Variants in ZFHX3 observed in about 807,000 individuals in gnomAD.
ZFHX3 encodes zinc finger homeobox protein 3.
ZFHX3 carries 42 observed loss-of-function variants against 279.1 expected under a neutral mutation model. That is an observed-to-expected ratio of 0.15 (90% CI 0.12 to 0.19). The LOEUF is 0.19. ZFHX3 is among the 10% of genes least tolerant of loss of function. The pLI is 1.00. For missense variants in ZFHX3, 4,981 were observed against 4,754.0 expected (o/e 1.05, Z -1.40); for synonymous variants, 2,293 against 1,957.8 (o/e 1.17, Z -4.52).
intron 2 of ZFHX3, among the ~76,000 whole-genome samples, chr16:73,637,106 G>T (rs1448251095): frequency 2.6e-5 from 4 of 151,610 alleles, no homozygotes; most frequent in African/African-American, 9.7e-5. Flanking sequence ...ATATATATAA[G>T]AATTTGTATA....
chr16:73,217,502 G>C (rs1161236620), intron 5 of ZFHX3, among the ~76,000 whole-genome samples: 1 of 152,116 alleles, frequency 6.6e-6, no homozygotes, highest in African/African-American at 2.4e-5. Flanking sequence ...TGATCCCCTG[G>C]CTTAACTTTT....
At chr16:73,704,042 A>T (rs2053278755) in intron 1 of ZFHX3, among the ~76,000 whole-genome samples, 2 of 152,306 alleles carry the variant, frequency 1.3e-5, no homozygotes, top group Admixed American at 1.3e-4. Flanking sequence ...ACTACGTACA[A>T]ATTTGTCTCC....
chr16:73,006,858 G>T (rs1011279563), intron 1 of ZFHX3, among the ~76,000 whole-genome samples: 2 of 152,028 alleles, frequency 1.3e-5, no homozygotes, highest in African/African-American at 4.8e-5. Flanking sequence ...ATCATCTTTT[G>T]ATTACTTATA....
intron 5 of ZFHX3, among the ~76,000 whole-genome samples, chr16:73,199,781 G>C (rs557817631): frequency 1.3e-5 from 2 of 152,322 alleles, no homozygotes; most frequent in African/African-American, 4.8e-5. Flanking sequence ...AGGTGCTACA[G>C]TGAGAGGGTG....
intron 2 of ZFHX3, among the ~76,000 whole-genome samples, chr16:73,526,580 C>T (rs1026435452): frequency 6.6e-6 from 1 of 152,262 alleles, no homozygotes; most frequent in African/African-American, 2.4e-5. Context: ...GTCTTTGTCT[C>T]ACCCTTTCTC....
At chr16:73,683,699 A>C (rs993118909) in intron 1 of ZFHX3, among the ~76,000 whole-genome samples, 2 of 152,030 alleles carry the variant, frequency 1.3e-5, no homozygotes, top group African/African-American at 4.8e-5. Context: ...CAGGGATTTT[A>C]GGTGACCCAT....
In ZFHX3 at chr16:72,792,126, G is replaced by C. The variant is rs139245946; in HGVS notation, c.9427+1129C>G. ...AATTTAGCAAAGATGGCTGGATCCA[G>C]AGAAGATGTGAGGACAGAGAAGGAG... On this transcript the variant is annotated intron_variant, in intron 9 of 9. Transcript: ENST00000268489. Among the ~76,000 whole-genome samples, 772 of 152,300 alleles carry C rather than the reference G, an allele frequency of 5.1e-3. 11 individuals are homozygous for C. Among genetic ancestry groups the C allele is most frequent in the African/African-American group, 0.016 (648 of 41,548 alleles).
chr16:73,782,088 C>G (rs1264279086), intron 1 of ZFHX3, among the ~76,000 whole-genome samples: 1 of 152,226 alleles, frequency 6.6e-6, no homozygotes, highest in Non-Finnish European at 1.5e-5. Flanking sequence ...GTGCAGAGTT[C>G]TGATCTCTAC....
At chr16:73,557,910 A>G (rs1317902448) in intron 2 of ZFHX3, among the ~76,000 whole-genome samples, 2 of 151,934 alleles carry the variant, frequency 1.3e-5, no homozygotes, top group African/African-American at 4.8e-5. Flanking sequence ...TACCTGCTCA[A>G]CCAAAACCCC....
chr16:72,863,407 A>C (rs1024258412), intron 4 of ZFHX3, among the ~76,000 whole-genome samples: 10 of 150,598 alleles, frequency 6.6e-5, no homozygotes, highest in African/African-American at 2.5e-4. Context: ...AGTCCCAGCT[A>C]CTCAGGAGAC....
chr16:73,656,714 C>T (rs958221543), intron 2 of ZFHX3, among the ~76,000 whole-genome samples: 1 of 152,128 alleles, frequency 6.6e-6, no homozygotes, highest in African/African-American at 2.4e-5. Flanking sequence ...TTAAAGCAAA[C>T]TGTAAAGTAA....
chr16:72,960,218 A>G (rs1229717552), intron 1 of ZFHX3, 24 bp from the exon 2 acceptor site: 4 of 1,453,096 alleles, frequency 2.8e-6, no homozygotes, highest in East Asian at 2.3e-5. Context: ...GCAAGGGGGG[A>G]GGAGGGAGAG....
intron 1 of ZFHX3, among the ~76,000 whole-genome samples, chr16:73,012,127 T>C (rs963745701): frequency 6.6e-6 from 1 of 152,204 alleles, no homozygotes; most frequent in Non-Finnish European, 1.5e-5. Flanking sequence ...CAGCAGGGCT[T>C]TGAAACCACT....
chr16:73,780,207 G>T (rs1479867068), intron 1 of ZFHX3, among the ~76,000 whole-genome samples: 1 of 133,790 alleles, frequency 7.5e-6, no homozygotes, highest in Non-Finnish European at 1.5e-5. Context: ...AGGTGCAGTG[G>T]TGCGATCTTG....
chr16:73,622,552 A>G (rs991120133), intron 2 of ZFHX3, among the ~76,000 whole-genome samples: 1 of 151,112 alleles, frequency 6.6e-6, no homozygotes. Flanking sequence ...ACAGAGTGAG[A>G]CTCTGTCTCC....
intron 3 of ZFHX3, among the ~76,000 whole-genome samples, chr16:73,339,444 G>T (rs374116758): frequency 3.9e-5 from 6 of 152,342 alleles, no homozygotes; most frequent in African/African-American, 1.4e-4. Flanking sequence ...TTTGTTAAAT[G>T]AACTCAAATA....
At chr16:73,798,160 T>C (rs1960048276) in intron 1 of ZFHX3, among the ~76,000 whole-genome samples, 1 of 152,150 alleles carries the variant, frequency 6.6e-6, no homozygotes, top group Non-Finnish European at 1.5e-5. Flanking sequence ...TTGTCACTAC[T>C]ATAATGTTCA....
At position 72,959,425 on chromosome 16, in the gene ZFHX3, T is replaced by G. The variant is rs1232961731; in HGVS notation, c.721A>C (p.Asn241His). 2 of 1,614,238 alleles carry G rather than the reference T, an allele frequency of 1.2e-6. No homozygotes were observed. Among genetic ancestry groups the G allele is most frequent in the Non-Finnish European group, 1.7e-6 (2 of 1,180,026 alleles). Residue 241 changes from asparagine to histidine, a missense_variant, in exon 2 of 10, where the codon AAC becomes CAC. By Grantham distance (68) the Asn-to-His change is moderately conservative. This residue lies in a region of ZFHX3 where 1,068 missense variants were observed against 935.2 expected (regional missense o/e 1.14). Coordinates refer to ENST00000268489, the MANE Select transcript of ZFHX3 (RefSeq NM_006885.4). ...CCGTCGCTGTTCAGGTAATCCTTGT[T>G]GCTTTTGTGTCGCACGTCAAACACG... ...FRVFDVRHKS[N>H]KDYLNSDGSA...
At chr16:73,516,258 G>A (rs1464173659) in intron 2 of ZFHX3, among the ~76,000 whole-genome samples, 1 of 152,188 alleles carries the variant, frequency 6.6e-6, no homozygotes, top group Non-Finnish European at 1.5e-5. Flanking sequence ...AGAGCAGCAT[G>A]TTCTTTGTAA....
Sources: allele counts gnomAD v4.1 joint callset (sites outside exome capture counted in the v4.1 genomes callset), GRCh38; gene constraint gnomAD v4.1.1; regional missense constraint gnomAD v4.1.1; transcripts MANE v1.5; gene names NCBI Gene and HGNC (gene_info 2026-07-23, HGNC 2026-07-21).